The following CACNA1C variants were observed in gnomAD, a reference collection of about 807,000 sequenced individuals.
The protein encoded by CACNA1C is voltage-dependent L-type calcium channel subunit alpha-1C.
CACNA1C carries 30 observed loss-of-function variants against 229.0 expected under a neutral mutation model. The observed-to-expected ratio is 0.13, with a 90% CI of 0.10 to 0.18. The LOEUF (loss-of-function observed/expected upper bound fraction) is 0.18. Among genes scored for constraint, CACNA1C ranks in the 10% least tolerant of loss-of-function variants. CACNA1C has a pLI of 1.00. For missense variants in CACNA1C, 1,658 were observed against 2,845.0 expected, an observed-to-expected ratio of 0.58 and a Z score of 9.49; for synonymous variants, 1,114 against 1,132.5, an observed-to-expected ratio of 0.98 and a Z score of 0.33.
intron 2 of CACNA1C, among the ~76,000 whole-genome samples, chr12:2,118,703 G>T (rs981122553): frequency 6.6e-6 from 1 of 152,202 alleles, no homozygotes; most frequent in Non-Finnish European, 1.5e-5. Context: ...ACCAGCACCA[G>T]CATCAGCGTC....
At chr12:2,018,195 G>A (rs1312675720) in intron 1 of CACNA1C, 1 of 152,186 alleles carries the variant, frequency 6.6e-6, no homozygotes, top group Non-Finnish European at 1.5e-5. Flanking sequence ...GGGGAGCTAG[G>A]GAGAGTTGAG....
intron 1 of CACNA1C, chr12:1,991,227 T>C (rs1331449976): frequency 6.6e-6 from 3 of 456,134 alleles, no homozygotes; most frequent in South Asian, 3.1e-5. Flanking sequence ...GCCTCCTCAC[T>C]GGAGTCTCAG....
intron 3 of CACNA1C, among the ~76,000 whole-genome samples, chr12:2,226,179 C>G (rs1044929378): frequency 2.0e-5 from 3 of 147,348 alleles, no homozygotes; most frequent in Non-Finnish European, 4.5e-5. Context: ...ACACAGTTTT[C>G]TTCATACAGG....
intron 3 of CACNA1C, among the ~76,000 whole-genome samples, chr12:2,138,148 A>G (rs1005112660): frequency 1.5e-4 from 23 of 151,462 alleles, no homozygotes; most frequent in African/African-American, 5.6e-4. Flanking sequence ...AGTCAGAAAC[A>G]TGGCCTGGGG....
At chr12:2,293,674 C>T (rs867506639) in intron 3 of CACNA1C, among the ~76,000 whole-genome samples, 6 of 152,234 alleles carry the variant, frequency 3.9e-5, no homozygotes, top group South Asian at 2.1e-4. Flanking sequence ...AAAGATTGGG[C>T]ATCCCTGGTC....
chr12:2,016,467 T>C (rs1454173066), intron 1 of CACNA1C, among the ~76,000 whole-genome samples: 1 of 152,198 alleles, frequency 6.6e-6, no homozygotes, highest in Non-Finnish European at 1.5e-5. Context: ...TTTACTCTTG[T>C]TGCCCAGGCT....
At chr12:2,420,203 G>A (rs1483875690) in intron 3 of CACNA1C, among the ~76,000 whole-genome samples, 2 of 150,586 alleles carry the variant, frequency 1.3e-5, no homozygotes, top group African/African-American at 2.5e-5. Flanking sequence ...GAGCTACAGA[G>A]CCAACAGGGA....
rs926684956 is a variant in CACNA1C at position 2,287,230 on chromosome 12, G to A, written c.478-161746G>A. On this transcript the variant is annotated intron_variant, in intron 3 of 46. Coordinates refer to ENST00000399655, the MANE Select transcript of CACNA1C (RefSeq NM_000719.7). This position sits in a 1 kb window ranked among gnomAD's most constrained non-coding sequence, Gnocchi z 4.6. ...TTCCCAAGGAATATTCTAGAGGAAGGGTTTCTGGGAATGACCTTCCCAAGG... is the reference window on the plus strand; with the variant it reads ...TTCCCAAGGAATATTCTAGAGGAAGAGTTTCTGGGAATGACCTTCCCAAGG... Among the ~76,000 whole-genome samples, 1 of 152,184 alleles carries A rather than the reference G, an allele frequency of 6.6e-6. No homozygotes were observed. Among genetic ancestry groups the A allele is most frequent in the South Asian group, 2.1e-4 (1 of 4,824 alleles).
intron 4 of CACNA1C, among the ~76,000 whole-genome samples, chr12:2,452,588 G>A (rs1247081957): frequency 2.0e-5 from 3 of 152,194 alleles, no homozygotes; most frequent in African/African-American, 7.2e-5. Context: ...TCAGGGACCA[G>A]TGGGCACCAA....
rs779097176 is a variant in CACNA1C at position 2,291,317 on chromosome 12, C to T, written c.478-157659C>T. ...CAAAACAATCAAAATGGAACCCAGACGGATATTTGCTCAAGGGCCCCTGGC... is the reference window on the plus strand; with the variant it reads ...CAAAACAATCAAAATGGAACCCAGATGGATATTTGCTCAAGGGCCCCTGGC... On this transcript the variant is annotated intron_variant, in intron 3 of 46. Transcript: ENST00000399655. Among the ~76,000 whole-genome samples the T allele has an allele frequency of 3.3e-5, 5 of 152,130 alleles. No homozygotes were observed. In the East Asian group the frequency reaches 7.7e-4, roughly 23 times the overall value.
At chr12:2,529,943 G>C (rs1049450490) in intron 9 of CACNA1C, among the ~76,000 whole-genome samples, 19 of 152,210 alleles carry the variant, frequency 1.2e-4, no homozygotes, top group African/African-American at 4.6e-4. Context: ...TACATTTAAG[G>C]CTTGAAAGGT....
intron 5 of CACNA1C, among the ~76,000 whole-genome samples, chr12:2,483,706 T>C (rs2099685934): frequency 6.6e-6 from 1 of 151,964 alleles, no homozygotes; most frequent in African/African-American, 2.4e-5. Flanking sequence ...CTCAGGTGAG[T>C]GGCGTGACCC....
intron 3 of CACNA1C, among the ~76,000 whole-genome samples, chr12:2,349,496 G>A (rs546721561): frequency 6.6e-6 from 1 of 152,276 alleles, no homozygotes; most frequent in African/African-American, 2.4e-5. Context: ...GCCAGCCTGG[G>A]GGCATTTTGA....
rs2093833165 is a variant in CACNA1C at position 2,138,831 on chromosome 12, C to T, written c.477+18401C>T. 3.3e-5 allele frequency among the ~76,000 whole-genome samples: 5 copies of T among 150,844 alleles called. No individual in the cohort carries two copies. The South Asian group carries it at 1.1e-3, about 32-fold the overall frequency. On this transcript the variant is annotated intron_variant, in intron 3 of 46. Transcript: ENST00000399655. Reference sequence around the variant, plus strand: ...TTTAAGTAACCCTGCCTCAGGTATTCCTTTATAGCAACACAAATGGACTTA... The same window carrying T: ...TTTAAGTAACCCTGCCTCAGGTATTTCTTTATAGCAACACAAATGGACTTA...
rs559065189 is a variant in CACNA1C at position 2,346,590 on chromosome 12, G to A, written c.478-102386G>A. ...ACATACTCCCCCATTTCTCTTAGCC[G>A]GCCCCAGTGTGTGTCCTGGGGGCGT... is the stretch of plus-strand genomic sequence containing the variant. On this transcript the variant is annotated intron_variant, in intron 3 of 46. Coordinates refer to ENST00000399655, the MANE Select transcript of CACNA1C (RefSeq NM_000719.7). This position sits in a 1 kb window ranked among gnomAD's most constrained non-coding sequence, Gnocchi z 4.4. Among the ~76,000 whole-genome samples the A allele has an allele frequency of 3.3e-5, 5 of 152,198 alleles. No individual in the cohort carries two copies. Among genetic ancestry groups the A allele is most frequent in the South Asian group, 2.1e-4 (1 of 4,814 alleles).
Position 2,679,346 on chromosome 12 carries a change from C to T in CACNA1C, c.5092-98C>T, listed in dbSNP as rs2097003749. 5 of 926,418 alleles carry T rather than the reference C, an allele frequency of 5.4e-6. No homozygotes were observed. Among genetic ancestry groups the T allele is most frequent in the Non-Finnish European group, 6.3e-6 (4 of 632,424 alleles). 57.4% of individuals were successfully genotyped at this position (926,418 alleles called of 1,614,324 possible). A position where few individuals can be genotyped will look rare whatever the true frequency, so the allele number is the denominator to read the frequency against. ...ACCCGAAAGAAGGCAGCCCGCCTTC[C>T]CAGGCCCTGCACTTCCCTGACCTGG... On this transcript the variant is annotated intron_variant, in intron 41 of 46. Coordinates refer to ENST00000399655, the MANE Select transcript of CACNA1C (RefSeq NM_000719.7). This position sits in a 1 kb window ranked among gnomAD's most constrained non-coding sequence, Gnocchi z 5.5.
At chr12:2,567,868 AG>A in intron 13 of CACNA1C, 74 bp downstream of exon 13, 2 of 864,128 alleles carry the variant, frequency 2.3e-6, no homozygotes, top group Non-Finnish European at 1.9e-6. Flanking sequence ...GGAGGTGGCA[AG>A]GCCTGGGTGG....
intron 18 of CACNA1C, among the ~76,000 whole-genome samples, chr12:2,592,328 T>G (rs192286135): frequency 5.6e-4 from 85 of 152,362 alleles, no homozygotes; most frequent in African/African-American, 1.8e-3. Context: ...ATAGAGGTAC[T>G]GTTATTATTA....
rs554356298 is a variant in CACNA1C, at chr12:2,203,059, G to A, written c.477+82629G>A. ...TCAGGATCCTATTAAAGTTCTCTGG[G>A]GAATTTAGAAAGGTCTTGATTTCCA... is the stretch of plus-strand genomic sequence containing the variant. On this transcript the variant is annotated intron_variant, in intron 3 of 46. Coordinates refer to ENST00000399655, the MANE Select transcript of CACNA1C (RefSeq NM_000719.7). Among the ~76,000 whole-genome samples, 3 of 152,256 alleles carry A rather than the reference G, an allele frequency of 2.0e-5. No homozygotes were observed. In the South Asian group the frequency reaches 6.2e-4, roughly 32 times the overall value.
Sources: gnomAD v4.1 joint callset for allele counts (sites outside exome capture counted in the v4.1 genomes callset) on GRCh38, gnomAD v4.1.1 for gene constraint, Gnocchi (gnomAD v3.1) non-coding constraint, MANE v1.5 for transcripts, NCBI Gene and HGNC (gene_info 2026-07-23, HGNC 2026-07-21) for gene names.